The following FAM135B variants were observed in gnomAD, a reference collection of about 807,000 sequenced individuals.
FAM135B encodes the protein family with sequence similarity 135 member B.
In FAM135B, 43 loss-of-function variants were observed where a neutral mutation model predicts 127.7. The observed-to-expected ratio is 0.34, with a 90% CI of 0.26 to 0.43. The LOEUF (loss-of-function observed/expected upper bound fraction) is 0.43. Among genes scored for constraint, FAM135B ranks in the 20% least tolerant of loss-of-function variants. FAM135B has a pLI of 1.00. For synonymous variants in FAM135B, 670 were observed against 665.1 expected (o/e 1.01, Z -0.11); for missense variants, 1,558 against 1,725.6 (o/e 0.90, Z 1.72).
At chr8:138,148,359 C>G (rs1012832796) in intron 14 of FAM135B, among the ~76,000 whole-genome samples, 161 bp downstream of exon 14, 3 of 152,166 alleles carry the variant, frequency 2.0e-5, no homozygotes, top group Non-Finnish European at 4.4e-5. Flanking sequence ...TTTTCTTCAA[C>G]AGCAAGCCAT....
chr8:138,305,331 T>A (rs541309393), intron 3 of FAM135B, among the ~76,000 whole-genome samples: 1 of 152,262 alleles, frequency 6.6e-6, no homozygotes, highest in South Asian at 2.1e-4. Context: ...GCAGCCTCAC[T>A]CGACTTGAAC....
intron 1 of FAM135B, among the ~76,000 whole-genome samples, chr8:138,447,861 G>A (rs1157713039): frequency 6.6e-6 from 1 of 151,502 alleles, no homozygotes; most frequent in Non-Finnish European, 1.5e-5. Context: ...ACAAAGAAGG[G>A]TAAAGGGACA....
chr8:138,193,325 A>T (rs939535616), intron 9 of FAM135B, among the ~76,000 whole-genome samples: 3 of 152,236 alleles, frequency 2.0e-5, no homozygotes, highest in East Asian at 3.8e-4. Context: ...CTGATTAAAT[A>T]TAAGTCGGTG....
chr8:138,289,212 C>G (rs1458826642), intron 3 of FAM135B, among the ~76,000 whole-genome samples: 4 of 152,166 alleles, frequency 2.6e-5, no homozygotes, highest in Non-Finnish European at 5.9e-5. Context: ...GTTGTCCAAG[C>G]CTCTGCCATC....
intron 12 of FAM135B, among the ~76,000 whole-genome samples, chr8:138,166,135 C>T (rs545022086): frequency 2.0e-5 from 3 of 152,170 alleles, no homozygotes; most frequent in Non-Finnish European, 4.4e-5. Flanking sequence ...CATGCTTATA[C>T]TTAGTGCCTC....
intron 7 of FAM135B, among the ~76,000 whole-genome samples, chr8:138,228,313 G>C (rs769557236): frequency 6.6e-6 from 1 of 151,966 alleles, no homozygotes; most frequent in African/African-American, 2.4e-5. Context: ...TTTAGGTGTA[G>C]GGCTGAGGTT....
Position 138,258,803 on chromosome 8 carries a change from CCACACACACACA to C in FAM135B, c.298-2056_298-2045del, listed in dbSNP as rs57817492. The stretch of plus-strand genomic sequence containing the variant: ...CCCTCCCTTCAAAAAGACACACACA[CCACACACACACA>C]CACACACACACACACACACACCATA... On this transcript the variant is annotated intron_variant, in intron 4 of 19. Transcript: ENST00000395297. 9.9e-3 allele frequency among the ~76,000 whole-genome samples: 1,458 copies of C among 146,630 alleles called. 13 individuals are homozygous for C. The highest frequency in any genetic ancestry group is 0.013 in the Non-Finnish European group (873 of 67,004).
At chr8:138,399,390 A>T (rs1450023642) in intron 1 of FAM135B, among the ~76,000 whole-genome samples, 1 of 152,198 alleles carries the variant, frequency 6.6e-6, no homozygotes, top group Admixed American at 6.5e-5. Flanking sequence ...TAGAATAGAG[A>T]GTGAGCTCTA....
intron 9 of FAM135B, among the ~76,000 whole-genome samples, chr8:138,189,243 C>A (rs1586726234): frequency 6.6e-6 from 1 of 152,132 alleles, no homozygotes; most frequent in Non-Finnish European, 1.5e-5. Flanking sequence ...ATGGCCAAAC[C>A]CTGAGGGAAG....
intron 1 of FAM135B, among the ~76,000 whole-genome samples, chr8:138,454,310 T>A (rs1226754452): frequency 1.3e-5 from 2 of 152,150 alleles, no homozygotes; most frequent in Non-Finnish European, 2.9e-5. Context: ...AACACAGCCA[T>A]GTTTCAGTGA....
chr8:138,401,529 C>A (rs1271432919), intron 1 of FAM135B, among the ~76,000 whole-genome samples: 1 of 152,178 alleles, frequency 6.6e-6, no homozygotes, highest in Non-Finnish European at 1.5e-5. Context: ...TTAAAAGAAA[C>A]CCATCTGTTT....
chr8:138,427,758 C>T (rs765881966), intron 1 of FAM135B, among the ~76,000 whole-genome samples: 1 of 152,090 alleles, frequency 6.6e-6, no homozygotes, highest in Non-Finnish European at 1.5e-5. Context: ...TTGTATATTG[C>T]TGTTGAAATC....
At chr8:138,220,677 A>T (rs549576472) in intron 7 of FAM135B, among the ~76,000 whole-genome samples, 1 of 152,316 alleles carries the variant, frequency 6.6e-6, no homozygotes, top group Admixed American at 6.5e-5. Context: ...GGTGGTGATA[A>T]CAAAATTGAA....
intron 11 of FAM135B, among the ~76,000 whole-genome samples, chr8:138,172,448 AT>A (rs1820548021): frequency 6.6e-6 from 1 of 152,206 alleles, no homozygotes; most frequent in African/African-American, 2.4e-5. Context: ...CTCAGTGAGT[AT>A]AAATGTCACC....
At chr8:138,190,261 TA>T (rs1460502186) in intron 9 of FAM135B, among the ~76,000 whole-genome samples, 1 of 152,134 alleles carries the variant, frequency 6.6e-6, no homozygotes, top group Non-Finnish European at 1.5e-5. Context: ...CCCCCAAACT[TA>T]CTGAATGAAC....
chr8:138,178,417 G>A (rs1246292242), intron 10 of FAM135B, 118 bp downstream of exon 10: 2 of 1,186,920 alleles, frequency 1.7e-6, no homozygotes, highest in South Asian at 1.4e-5. Context: ...TCATGGTAGA[G>A]ACACGAAAGC....
intron 2 of FAM135B, among the ~76,000 whole-genome samples, chr8:138,350,829 T>C (rs925499): frequency 0.52 from 79,820 of 152,098 alleles, 22,932 homozygotes; most frequent in Non-Finnish European, 0.67. Context: ...TATACCTGTA[T>C]ACTTGTCATT....
intron 1 of FAM135B, among the ~76,000 whole-genome samples, chr8:138,448,049 G>GA (rs932660604): frequency 4.8e-5 from 7 of 146,654 alleles, no homozygotes; most frequent in African/African-American, 1.0e-4. Flanking sequence ...CTAATCTAAG[G>GA]AAAAAAAATA....
intron 7 of FAM135B, among the ~76,000 whole-genome samples, chr8:138,212,218 G>A (rs1399170778): frequency 6.6e-6 from 1 of 152,192 alleles, no homozygotes; most frequent in Non-Finnish European, 1.5e-5. Context: ...TTTGTGCTAA[G>A]AGTACATAGA....
Sources: gnomAD v4.1 joint callset for allele counts (sites outside exome capture counted in the v4.1 genomes callset) on GRCh38, gnomAD v4.1.1 for gene constraint, MANE v1.5 for transcripts, NCBI Gene and HGNC (gene_info 2026-07-23, HGNC 2026-07-21) for gene names.